Variants in GPAM observed in about 807,000 individuals in gnomAD.
The protein encoded by GPAM is glycerol-3-phosphate acyltransferase, mitochondrial.
GPAM carries 56 observed loss-of-function variants against 105.0 expected under a neutral mutation model. The observed-to-expected ratio is 0.53, with a 90% CI of 0.43 to 0.67. The LOEUF is 0.67. GPAM is among the 30% of genes least tolerant of loss of function. The probability of loss-of-function intolerance (pLI) is 0.00; values close to 1 mark genes in which losing one functional copy is unlikely to be tolerated. For synonymous variants in GPAM, 368 were observed against 354.4 expected (o/e 1.04, Z -0.43); for missense variants, 855 against 989.8 (o/e 0.86, Z 1.83).
upstream of GPAM, among the ~76,000 whole-genome samples, chr10:112,187,401 A>AAT (rs1390076286): frequency 6.6e-6 from 1 of 152,182 alleles, no homozygotes; most frequent in Admixed American, 6.5e-5. Flanking sequence ...AATCAAAAGA[A>AAT]ATATAGGTGG....
the GPAM span, among the ~76,000 whole-genome samples, chr10:112,224,421 A>C: frequency 8.5e-5 from 13 of 152,194 alleles, no homozygotes; most frequent in Non-Finnish European, 1.8e-4. Flanking sequence ...CACTGGCAGA[A>C]AATGAGCTGA....
intron 1 of GPAM, among the ~76,000 whole-genome samples, chr10:112,202,236 T>A (rs554591514): frequency 3.3e-5 from 5 of 152,364 alleles, no homozygotes; most frequent in African/African-American, 1.2e-4. Flanking sequence ...CCTTAGACAG[T>A]ATATAAGAAA....
intron 12 of GPAM, among the ~76,000 whole-genome samples, chr10:112,165,145 A>G (rs550224119): frequency 1.3e-3 from 204 of 152,346 alleles, no homozygotes; most frequent in African/African-American, 4.2e-3. Flanking sequence ...GGAATCTCTT[A>G]AAGTTAAGCC....
At chr10:112,174,432 A>C (rs1374771847) in intron 6 of GPAM, among the ~76,000 whole-genome samples, 1 of 152,230 alleles carries the variant, frequency 6.6e-6, no homozygotes, top group Non-Finnish European at 1.5e-5. Context: ...AGATAAAAGG[A>C]AACATTTAAT....
Position 112,153,392 on chromosome 10 carries a change from C to A in GPAM, c.*158G>T. ...TGTTGATGCAGAGCTGGGAAGATCA[C>A]AGATCCATGGAGGGAGAAGGCACTT... On this transcript the variant is annotated 3_prime_UTR_variant, in exon 22 of 22. Coordinates refer to ENST00000348367, the MANE Select transcript of GPAM (RefSeq NM_001244949.2). The A allele has an allele frequency of 6.4e-7, 1 of 1,572,600 alleles. No homozygotes were observed. Among genetic ancestry groups the A allele is most frequent in the Non-Finnish European group, 8.6e-7 (1 of 1,165,234 alleles).
At chr10:112,182,626 G>A (rs1175243959) in intron 2 of GPAM, among the ~76,000 whole-genome samples, 168 bp downstream of exon 2, 1 of 152,220 alleles carries the variant, frequency 6.6e-6, no homozygotes. Flanking sequence ...GAAAGGTCAT[G>A]TCTAGATTAA....
intron 1 of GPAM, among the ~76,000 whole-genome samples, chr10:112,196,019 C>A (rs1260303266): frequency 6.6e-6 from 1 of 152,086 alleles, no homozygotes; most frequent in East Asian, 1.9e-4. Flanking sequence ...AACTAGGGGC[C>A]CTGATCTCCA....
intron 1 of GPAM, among the ~76,000 whole-genome samples, chr10:112,196,890 T>C (rs141550723): frequency 6.6e-6 from 1 of 152,314 alleles, no homozygotes; most frequent in Non-Finnish European, 1.5e-5. Flanking sequence ...ACCTTCCCCC[T>C]TTATCAATCA....
At chr10:112,163,668 T>A (rs181197544) in intron 14 of GPAM, 33 bp downstream of exon 14, 1 of 990,478 alleles carries the variant, frequency 1.0e-6, no homozygotes, top group African/African-American at 1.6e-5. Flanking sequence ...TGAATCTAAA[T>A]TGTAGAATTA....
chr10:112,187,084 A>C (rs1278325545), upstream of GPAM, among the ~76,000 whole-genome samples: 1 of 152,224 alleles, frequency 6.6e-6, no homozygotes, highest in Non-Finnish European at 1.5e-5. Context: ...CTATGAAAGC[A>C]AAACTAAGAG....
In GPAM at chr10:112,154,343, T is replaced by G. The variant is rs1207008605; in HGVS notation, c.2370+286A>C. ...CATTTTGGATAAGGGATATTCAACCTGTAGCACCTTGAAACATATTGATAC... is the reference window on the plus strand; with the variant it reads ...CATTTTGGATAAGGGATATTCAACCGGTAGCACCTTGAAACATATTGATAC... On this transcript the variant is annotated intron_variant, in intron 21 of 21. Transcript: ENST00000348367. 5 of 470,480 alleles carry G rather than the reference T, an allele frequency of 1.1e-5. No homozygotes were observed. In the South Asian group the frequency reaches 1.3e-4, roughly 12 times the overall value. The allele number at this position is 470,480 out of a possible 1,614,324, so 29.1% of individuals were successfully genotyped here.
chr10:112,210,813 A>G (rs35535747), intron 1 of GPAM, among the ~76,000 whole-genome samples: 4,693 of 152,334 alleles, frequency 0.031, 88 homozygotes, highest in East Asian at 0.091. Flanking sequence ...AGAGCTCACA[A>G]TAGACACTGT....
In GPAM at chr10:112,166,434, G is replaced by A. The variant is rs769234596; in HGVS notation, c.1189C>T (p.Arg397Ter). 5 of 1,605,782 alleles carry A rather than the reference G, an allele frequency of 3.1e-6. No individual in the cohort carries two copies. The highest frequency in any genetic ancestry group is 2.2e-5 in the South Asian group (2 of 90,904). ...GAAAATGGCTGTGCAAAATCCACTC[G>A]GACACAACCATAGTTTTTTCGTAAC... is the stretch of plus-strand genomic sequence containing the variant. ...RMLRKNYGCV[R>*]VDFAQPFSLK... Residue 397 changes from arginine to a stop codon, truncating the protein, a stop_gained, in exon 12 of 22, where the codon CGA (arginine) becomes TGA (stop). Coordinates refer to ENST00000348367, the MANE Select transcript of GPAM (RefSeq NM_001244949.2). LOFTEE classifies it high-confidence loss of function.
At chr10:112,204,740 C>T (rs1465799644) in intron 1 of GPAM, among the ~76,000 whole-genome samples, 1 of 151,088 alleles carries the variant, frequency 6.6e-6, no homozygotes, top group Non-Finnish European at 1.5e-5. Context: ...GGAAGCATTC[C>T]CTTTGAAAAC....
In GPAM at chr10:112,153,449, G is replaced by A; in HGVS notation, c.*101C>T. The A allele has an allele frequency of 6.2e-7, 1 of 1,602,172 alleles. No homozygotes were observed. The highest frequency in any genetic ancestry group is 8.5e-7 in the Non-Finnish European group (1 of 1,176,722). On this transcript the variant is annotated 3_prime_UTR_variant, in exon 22 of 22. Transcript: ENST00000348367. ...CAGGAGATCACTTCGGGACAGGGCA[G>A]GCCTGACCCTGCGATGGCACCTTCA...
At chr10:112,195,992 CAT>C (rs1847718975) in intron 1 of GPAM, among the ~76,000 whole-genome samples, 1 of 152,116 alleles carries the variant, frequency 6.6e-6, no homozygotes, top group South Asian at 2.1e-4. Flanking sequence ...GTAGAGAAAA[CAT>C]GTGACTACAA....
chr10:112,210,659 T>C (rs550038645), intron 1 of GPAM, among the ~76,000 whole-genome samples: 9 of 152,352 alleles, frequency 5.9e-5, no homozygotes, highest in African/African-American at 2.2e-4. Context: ...AAGATGCTGA[T>C]ATCTCCATTC....
intron 19 of GPAM, chr10:112,157,040 C>T (rs1847030021): frequency 3.2e-6 from 2 of 622,654 alleles, no homozygotes; most frequent in Non-Finnish European, 2.9e-6. Flanking sequence ...ATTCATCTTC[C>T]TGACTTTTCA....
At chr10:112,199,840 G>A (rs866592993) in intron 1 of GPAM, among the ~76,000 whole-genome samples, 3 of 152,116 alleles carry the variant, frequency 2.0e-5, no homozygotes, top group Admixed American at 6.6e-5. Context: ...CATGGGAACA[G>A]TATGGGGGAA....
Sources: gnomAD v4.1 joint callset for allele counts (sites outside exome capture counted in the v4.1 genomes callset) on GRCh38, gnomAD v4.1.1 for gene constraint, MANE v1.5 for transcripts, NCBI Gene and HGNC (gene_info 2026-07-23, HGNC 2026-07-21) for gene names.